The following PLCL1 variants were observed in gnomAD, a reference collection of about 807,000 sequenced individuals.
The protein encoded by PLCL1 is phospholipase C like 1 (inactive), also known as inactive phospholipase C-like protein 1.
PLCL1 carries 41 observed loss-of-function variants against 84.4 expected under a neutral mutation model. That is an observed-to-expected ratio of 0.49 (90% CI 0.38 to 0.63). The LOEUF is 0.63. Ranked by LOEUF, PLCL1 falls within the 30% of genes least tolerant of loss-of-function variation. The pLI, the probability that PLCL1 is intolerant of heterozygous loss-of-function variation, is 0.00. For synonymous variants in PLCL1, 490 were observed against 488.3 expected, an observed-to-expected ratio of 1.00 and a Z score of -0.05; for missense variants, 1,206 against 1,367.8, an observed-to-expected ratio of 0.88 and a Z score of 1.87.
intron 1 of PLCL1, among the ~76,000 whole-genome samples, chr2:197,912,943 C>G (rs13027136): frequency 1.4e-5 from 2 of 147,800 alleles, no homozygotes; most frequent in Non-Finnish European, 3.0e-5. Flanking sequence ...CTAAAACTTA[C>G]AGTATAATAA....
intron 1 of PLCL1, among the ~76,000 whole-genome samples, chr2:198,045,209 G>A (rs1389414193): frequency 6.6e-6 from 1 of 152,138 alleles, no homozygotes; most frequent in Non-Finnish European, 1.5e-5. Context: ...GGGGTGATAA[G>A]TCCTTTTGTT....
At chr2:198,004,174 A>G (rs932176858) in intron 1 of PLCL1, among the ~76,000 whole-genome samples, 5 of 152,244 alleles carry the variant, frequency 3.3e-5, no homozygotes, top group South Asian at 2.1e-4. Context: ...AGCTGGGCCA[A>G]TTTCTACAAA....
intron 1 of PLCL1, among the ~76,000 whole-genome samples, chr2:198,066,252 A>C (rs1163100584): frequency 6.6e-6 from 1 of 152,092 alleles, no homozygotes; most frequent in African/African-American, 2.4e-5. Context: ...CTAAATCCCA[A>C]ATTTTTACCT....
chr2:198,095,870 T>C (rs1693178066), intron 3 of PLCL1, among the ~76,000 whole-genome samples: 1 of 152,166 alleles, frequency 6.6e-6, no homozygotes, highest in Non-Finnish European at 1.5e-5. Context: ...TAACCAAAGA[T>C]GAATAAGCAG....
intron 5 of PLCL1, among the ~76,000 whole-genome samples, chr2:198,105,511 A>G (rs1343630557): frequency 6.6e-6 from 1 of 151,758 alleles, no homozygotes; most frequent in East Asian, 1.9e-4. Context: ...GGGGAGCTGC[A>G]TACTGGAATT....
chr2:197,835,441 C>A (rs1691166515), intron 1 of PLCL1, among the ~76,000 whole-genome samples: 1 of 152,168 alleles, frequency 6.6e-6, no homozygotes, highest in South Asian at 2.1e-4. Context: ...CCCAAACTGA[C>A]CCTGCCAATT....
chr2:197,938,592 C>A (rs1366474274), intron 1 of PLCL1, among the ~76,000 whole-genome samples: 1 of 152,140 alleles, frequency 6.6e-6, no homozygotes, highest in East Asian at 1.9e-4. Flanking sequence ...GGGCCCAAAT[C>A]TCCACTTGTT....
chr2:197,977,595 C>T (rs1380790009), intron 1 of PLCL1, among the ~76,000 whole-genome samples: 1 of 152,142 alleles, frequency 6.6e-6, no homozygotes, highest in African/African-American at 2.4e-5. Context: ...ATTGCCCCTA[C>T]CCTAACTTGC....
intron 1 of PLCL1, among the ~76,000 whole-genome samples, chr2:198,051,893 C>A (rs1691941391): frequency 6.6e-6 from 1 of 151,304 alleles, no homozygotes; most frequent in Non-Finnish European, 1.5e-5. Context: ...CCACCACGGC[C>A]AGCTAATTAT....
intron 1 of PLCL1, among the ~76,000 whole-genome samples, chr2:198,076,170 C>CTT (rs11465077): frequency 7.3e-4 from 110 of 150,564 alleles, no homozygotes; most frequent in South Asian, 4.2e-3. Context: ...GAAATGGACT[C>CTT]TTTTTTTTTT....
intron 1 of PLCL1, among the ~76,000 whole-genome samples, chr2:197,853,595 G>A (rs1687277399): frequency 1.3e-5 from 2 of 152,148 alleles, no homozygotes; most frequent in South Asian, 2.1e-4. Flanking sequence ...AGAGCCAGTA[G>A]CAACAAAACG....
chr2:198,038,136 A>T (rs1691586058), intron 1 of PLCL1, among the ~76,000 whole-genome samples: 1 of 152,158 alleles, frequency 6.6e-6, no homozygotes. Context: ...TAAACCTTGT[A>T]AGAGTCAGAA....
chr2:197,971,091 G>A (rs1684264490), intron 1 of PLCL1, among the ~76,000 whole-genome samples: 1 of 152,090 alleles, frequency 6.6e-6, no homozygotes, highest in Non-Finnish European at 1.5e-5. Flanking sequence ...TCTTATCTTT[G>A]TAAAAATAAC....
intron 1 of PLCL1, among the ~76,000 whole-genome samples, chr2:197,969,984 A>T (rs1033930911): frequency 1.3e-5 from 2 of 152,168 alleles, no homozygotes; most frequent in Non-Finnish European, 2.9e-5. Context: ...AACCTGACTT[A>T]TTCTGACAAA....
At chr2:198,142,404 C>T (rs1410521586) in intron 5 of PLCL1, among the ~76,000 whole-genome samples, 5 of 152,012 alleles carry the variant, frequency 3.3e-5, no homozygotes, top group Non-Finnish European at 7.4e-5. Flanking sequence ...GGTGATATAT[C>T]ACCACAGCAA....
At chr2:197,817,120 C>A (rs1304818810) in intron 1 of PLCL1, among the ~76,000 whole-genome samples, 1 of 152,044 alleles carries the variant, frequency 6.6e-6, no homozygotes, top group Non-Finnish European at 1.5e-5. Flanking sequence ...AATTATCTAT[C>A]TGAAGTTATG....
intron 1 of PLCL1, among the ~76,000 whole-genome samples, chr2:198,076,320 A>G (rs567419366): frequency 1.3e-5 from 2 of 152,284 alleles, no homozygotes; most frequent in East Asian, 1.9e-4. Context: ...CATCCCCACC[A>G]CAGCGTATAT....
intron 1 of PLCL1, among the ~76,000 whole-genome samples, chr2:197,884,117 A>G (rs1310793305): frequency 6.6e-6 from 1 of 152,176 alleles, no homozygotes; most frequent in Non-Finnish European, 1.5e-5. Context: ...TCAGGACTCA[A>G]AATAACTGTA....
intron 1 of PLCL1, among the ~76,000 whole-genome samples, chr2:198,060,215 C>G (rs1692158596): frequency 6.6e-6 from 1 of 152,190 alleles, no homozygotes; most frequent in African/African-American, 2.4e-5. Flanking sequence ...TCTGTCCATT[C>G]ATTTCCTGCC....
Sources: gnomAD v4.1 joint callset for allele counts (sites outside exome capture counted in the v4.1 genomes callset) on GRCh38, gnomAD v4.1.1 for gene constraint, MANE v1.5 for transcripts, NCBI Gene and HGNC (gene_info 2026-07-23, HGNC 2026-07-21) for gene names.